Variants in RANBP3L observed in about 807,000 individuals in gnomAD.
RANBP3L encodes RAN binding protein 3 like.
A neutral mutation model predicts 67.2 loss-of-function variants in RANBP3L; 56 were observed. That is an observed-to-expected ratio of 0.83 (90% confidence interval 0.67 to 1.04). The LOEUF is 1.04. Ranked by LOEUF, RANBP3L falls within the 50% of genes least tolerant of loss-of-function variation. The probability of loss-of-function intolerance (pLI) is 0.00; values close to 1 mark genes in which losing one functional copy is unlikely to be tolerated. For synonymous variants in RANBP3L, 164 were observed against 181.4 expected, an observed-to-expected ratio of 0.90 and a Z score of 0.77; for missense variants, 496 against 535.5, an observed-to-expected ratio of 0.93 and a Z score of 0.73.
intron 6 of RANBP3L, among the ~76,000 whole-genome samples, chr5:36,262,686 G>C (rs1749483467): frequency 6.6e-6 from 1 of 152,040 alleles, no homozygotes; most frequent in Non-Finnish European, 1.5e-5. Context: ...CAGGGCGTTT[G>C]TGTCTTTTAA....
intron 1 of RANBP3L, among the ~76,000 whole-genome samples, chr5:36,276,948 T>C (rs1242452237): frequency 6.6e-6 from 1 of 152,096 alleles, no homozygotes; most frequent in Non-Finnish European, 1.5e-5. Context: ...TTCCACTTGG[T>C]AGTGTAGTAG....
intron 1 of RANBP3L, among the ~76,000 whole-genome samples, chr5:36,275,380 G>T (rs1051770428): frequency 5.3e-5 from 8 of 152,132 alleles, no homozygotes; most frequent in African/African-American, 7.2e-5. Flanking sequence ...TAGGCCTCCT[G>T]CCTCCAAAAC....
At chr5:36,254,140 A>G (rs1748797337) in intron 11 of RANBP3L, among the ~76,000 whole-genome samples, 1 of 152,130 alleles carries the variant, frequency 6.6e-6, no homozygotes, top group Admixed American at 6.6e-5. Context: ...AATTAGTTAA[A>G]TAAATTGTGG....
intron 10 of RANBP3L, 185 bp downstream of exon 10, chr5:36,256,756 T>TACAA: frequency 1.7e-6 from 1 of 583,158 alleles, no homozygotes; most frequent in Non-Finnish European, 2.9e-6. Flanking sequence ...CAGGTACACA[T>TACAA]ACAAACACAA....
intron 1 of RANBP3L, among the ~76,000 whole-genome samples, chr5:36,272,070 C>T (rs1750255509): frequency 6.6e-6 from 1 of 151,788 alleles, no homozygotes; most frequent in Non-Finnish European, 1.5e-5. Context: ...TAAGTTACAT[C>T]ACTAATTGAC....
intron 1 of RANBP3L, among the ~76,000 whole-genome samples, chr5:36,296,362 G>A (rs1752215822): frequency 6.6e-6 from 1 of 152,046 alleles, no homozygotes. Context: ...CTAATTCTGG[G>A]TAGTGTCAGA....
intron 8 of RANBP3L, among the ~76,000 whole-genome samples, chr5:36,260,233 C>T (rs544506071): frequency 4.9e-4 from 74 of 151,268 alleles, no homozygotes; most frequent in African/African-American, 1.3e-3. Context: ...TGGTGGCACG[C>T]GCCTGTAGTC....
At chr5:36,267,772 T>A (rs1749915617) in intron 4 of RANBP3L, among the ~76,000 whole-genome samples, 1 of 152,132 alleles carries the variant, frequency 6.6e-6, no homozygotes. Context: ...TAAAGAGGAG[T>A]AATGTTTTAA....
At chr5:36,274,845 G>A (rs970349758) in intron 1 of RANBP3L, among the ~76,000 whole-genome samples, 1 of 152,114 alleles carries the variant, frequency 6.6e-6, no homozygotes, top group Admixed American at 6.6e-5. Context: ...AAGAGCTGAT[G>A]AGGCTGCTCT....
In RANBP3L at chr5:36,267,982, A is replaced by G. The variant is rs562876246; in HGVS notation, c.268+1408T>C. Among the ~76,000 whole-genome samples, 124 of 152,354 alleles carry G rather than the reference A, an allele frequency of 8.1e-4. 1 individual carries two copies. In the Middle Eastern group the frequency reaches 0.01, roughly 13 times the overall value. Reference sequence around the variant, plus strand: ...AATGTGAAATCCTAAAAAAACATGAAGTTCAAACTTTCTACCAAAGGTAAA... The same window carrying G: ...AATGTGAAATCCTAAAAAAACATGAGGTTCAAACTTTCTACCAAAGGTAAA... On this transcript the variant is annotated intron_variant, in intron 4 of 13. Transcript: ENST00000296604.
chr5:36,259,954 G>A (rs1195412240), intron 8 of RANBP3L, among the ~76,000 whole-genome samples: 2 of 152,112 alleles, frequency 1.3e-5, no homozygotes, highest in Non-Finnish European at 2.9e-5. Context: ...GTTTTCACTA[G>A]GCAAGTATAT....
chr5:36,265,147 CTTTACTCCCTATTTT>C, intron 5 of RANBP3L, 49 bp from the exon 6 acceptor site: 1 of 1,143,038 alleles, frequency 8.7e-7, no homozygotes, highest in South Asian at 1.6e-5. Context: ...TGAAATATTC[CTTTACTCCCTATTTT>C]TAATTAATAT....
At position 36,248,549 on chromosome 5, in the gene RANBP3L, C is replaced by T. The variant is rs914550952; in HGVS notation, c.*1105G>A. 2 of 152,146 alleles carry T rather than the reference C, an allele frequency of 1.3e-5. No individual in the cohort carries two copies. The highest frequency in any genetic ancestry group is 2.9e-5 in the Non-Finnish European group (2 of 68,012). The allele number at this position is 152,146 out of a possible 1,614,324, so 9.4% of individuals were successfully genotyped here. A position where few individuals can be genotyped will look rare whatever the true frequency, so the allele number is the denominator to read the frequency against. On this transcript the variant is annotated 3_prime_UTR_variant, in exon 14 of 14. Coordinates refer to ENST00000296604, the MANE Select transcript of RANBP3L (RefSeq NM_145000.5). ...TCCAAATGAATATTGTTCTTCGAAGCATCACTTAGTGAAATTACGCCCTCA... is the reference window on the plus strand; with the variant it reads ...TCCAAATGAATATTGTTCTTCGAAGTATCACTTAGTGAAATTACGCCCTCA...
intron 1 of RANBP3L, among the ~76,000 whole-genome samples, chr5:36,292,436 T>C (rs971475272): frequency 2.6e-4 from 39 of 152,306 alleles, no homozygotes; most frequent in African/African-American, 9.1e-4. Context: ...TGGCTTTTGT[T>C]GCCATTGCTT....
rs1434233541 is a variant in RANBP3L, at chr5:36,248,358, T to G, written c.*1296A>C. 6.6e-6 allele frequency: 1 copy of G among 152,158 alleles called. No individual in the cohort carries two copies. The highest frequency in any genetic ancestry group is 1.5e-5 in the Non-Finnish European group (1 of 67,992). The allele number at this position is 152,158 out of a possible 1,614,324, so 9.4% of individuals were successfully genotyped here. On this transcript the variant is annotated 3_prime_UTR_variant, in exon 14 of 14. Transcript: ENST00000296604. ...TCAGTTATAAGGAAGGACAAAATGTTGAACAATTGTCATAATCATAATCTG... is the reference window on the plus strand; with the variant it reads ...TCAGTTATAAGGAAGGACAAAATGTGGAACAATTGTCATAATCATAATCTG...
chr5:36,297,846 C>G (rs1752336680), intron 1 of RANBP3L, among the ~76,000 whole-genome samples: 2 of 152,152 alleles, frequency 1.3e-5, no homozygotes, highest in Admixed American at 1.3e-4. Context: ...AATTTGCATA[C>G]TCAGCATCTA....
At chr5:36,283,718 C>A (rs1236104831) in intron 1 of RANBP3L, among the ~76,000 whole-genome samples, 2 of 152,156 alleles carry the variant, frequency 1.3e-5, no homozygotes, top group Admixed American at 1.3e-4. Flanking sequence ...TTTATTAGAA[C>A]AATTCCTTAA....
chr5:36,299,589 T>G (rs56912128), intron 1 of RANBP3L, among the ~76,000 whole-genome samples: 1,788 of 152,238 alleles, frequency 0.012, 19 homozygotes, highest in Middle Eastern at 0.02. Flanking sequence ...GTATAATCCT[T>G]TGACTCCACA....
chr5:36,263,809 G>A (rs542304062), intron 6 of RANBP3L, among the ~76,000 whole-genome samples: 11 of 152,176 alleles, frequency 7.2e-5, no homozygotes, highest in Non-Finnish European at 1.6e-4. Flanking sequence ...TTAAAAGAGT[G>A]AGCCACCACG....
Sources: gnomAD v4.1 joint callset for allele counts (sites outside exome capture counted in the v4.1 genomes callset) on GRCh38, gnomAD v4.1.1 for gene constraint, MANE v1.5 for transcripts, NCBI Gene and HGNC (gene_info 2026-07-23, HGNC 2026-07-21) for gene names.